The following PHACTR1 variants were observed in gnomAD, a reference collection of about 807,000 sequenced individuals.
PHACTR1 encodes the protein RPEL repeat containing 1.
Under a neutral mutation model 69.2 loss-of-function variants are expected in PHACTR1, and 16 were observed. That is an observed-to-expected ratio of 0.23 (90% CI 0.16 to 0.35). The LOEUF (loss-of-function observed/expected upper bound fraction) is 0.35. Among genes scored for constraint, PHACTR1 ranks in the 10% least tolerant of loss-of-function variants. The pLI, the probability that PHACTR1 is intolerant of heterozygous loss-of-function variation, is 1.00. For missense variants in PHACTR1, 510 were observed against 734.7 expected (o/e 0.69, Z 3.54); for synonymous variants, 312 against 284.5 (o/e 1.10, Z -0.97).
intron 6 of PHACTR1, among the ~76,000 whole-genome samples, chr6:13,171,479 T>C (rs1760610743): frequency 1.3e-5 from 2 of 152,236 alleles, no homozygotes; most frequent in African/African-American, 4.8e-5. Flanking sequence ...TGGTTGTGAT[T>C]TTCAAGTCTA....
intron 12 of PHACTR1, chr6:13,281,552 G>A (rs902743311): frequency 8.8e-5 from 17 of 193,870 alleles, no homozygotes; most frequent in South Asian, 8.3e-4. Context: ...GTGAGACTCC[G>A]TCTAAAAAAA....
intron 4 of PHACTR1, among the ~76,000 whole-genome samples, chr6:12,917,044 T>C (rs1410967915): frequency 6.6e-6 from 1 of 152,240 alleles, no homozygotes; most frequent in African/African-American, 2.4e-5. Flanking sequence ...AGGTTGGTTG[T>C]AGCAGAGGTG....
chr6:13,039,225 G>T (rs988853815), intron 4 of PHACTR1, among the ~76,000 whole-genome samples: 2 of 152,164 alleles, frequency 1.3e-5, no homozygotes, highest in Non-Finnish European at 2.9e-5. Context: ...GGGATCAAAT[G>T]ATATAATAAC....
At chr6:13,278,598 C>T (rs763063183) in intron 12 of PHACTR1, among the ~76,000 whole-genome samples, 11 of 152,188 alleles carry the variant, frequency 7.2e-5, no homozygotes, top group Non-Finnish European at 1.5e-4. Flanking sequence ...TTTGATTATA[C>T]TAAATGTTTT....
chr6:13,167,663 C>A (rs186492447), intron 6 of PHACTR1, among the ~76,000 whole-genome samples: 1 of 152,176 alleles, frequency 6.6e-6, no homozygotes, highest in East Asian at 1.9e-4. Context: ...TGCCAGTGAG[C>A]AACTTTGCTT....
chr6:12,779,139 C>A (rs1263891875), intron 4 of PHACTR1, among the ~76,000 whole-genome samples: 2 of 152,176 alleles, frequency 1.3e-5, no homozygotes, highest in African/African-American at 4.8e-5. Context: ...AGTTCGAGAC[C>A]AGCCTGACCA....
intron 4 of PHACTR1, among the ~76,000 whole-genome samples, chr6:13,000,586 G>A (rs1293951726): frequency 1.6e-5 from 2 of 125,780 alleles, no homozygotes; most frequent in Non-Finnish European, 3.1e-5. Flanking sequence ...GGGAGGGGGA[G>A]AAAGAGAAGA....
intron 4 of PHACTR1, among the ~76,000 whole-genome samples, chr6:12,942,468 A>T (rs1790156774): frequency 1.3e-5 from 2 of 152,152 alleles, no homozygotes; most frequent in South Asian, 4.2e-4. Context: ...CACGTGATGA[A>T]ACTAAGTCTT....
At chr6:12,993,539 G>C (rs1208381024) in intron 4 of PHACTR1, among the ~76,000 whole-genome samples, 1 of 152,218 alleles carries the variant, frequency 6.6e-6, no homozygotes, top group Non-Finnish European at 1.5e-5. Context: ...TGACAGGCTT[G>C]CATTTGCTTC....
At chr6:13,040,465 A>C (rs1803966637) in intron 4 of PHACTR1, among the ~76,000 whole-genome samples, 1 of 152,240 alleles carries the variant, frequency 6.6e-6, no homozygotes, top group Non-Finnish European at 1.5e-5. Flanking sequence ...ATTGCAAGTA[A>C]TGCAGGAAAA....
chr6:12,997,720 C>G (rs751456692), intron 4 of PHACTR1, among the ~76,000 whole-genome samples: 2 of 151,854 alleles, frequency 1.3e-5, no homozygotes, highest in Non-Finnish European at 2.9e-5. Context: ...TTTGAGAGGC[C>G]GAGGTGGGCG....
At chr6:12,944,777 A>ATTTATTT (rs1554172498) in intron 4 of PHACTR1, among the ~76,000 whole-genome samples, 23 of 135,828 alleles carry the variant, frequency 1.7e-4, no homozygotes, top group African/African-American at 5.8e-4. Context: ...TTATTTATTT[A>ATTTATTT]TTTTTATTTA....
intron 4 of PHACTR1, among the ~76,000 whole-genome samples, chr6:12,773,706 T>C (rs942733143): frequency 6.6e-6 from 1 of 152,144 alleles, no homozygotes; most frequent in Non-Finnish European, 1.5e-5. Context: ...TAAAAAAAAA[T>C]TTAAAACCAC....
intron 8 of PHACTR1, among the ~76,000 whole-genome samples, chr6:13,220,462 G>T (rs78667584): frequency 2.6e-5 from 4 of 152,100 alleles, no homozygotes; most frequent in African/African-American, 9.7e-5. Context: ...GCTTAATGAC[G>T]TCACCTTACA....
At chr6:13,267,300 C>A (rs1490479854) in intron 10 of PHACTR1, 1 of 152,212 alleles carries the variant, frequency 6.6e-6, no homozygotes, top group East Asian at 1.9e-4. Context: ...GTCTGTGGCA[C>A]CCATTTCTAA....
At chr6:12,890,002 G>A (rs568349312) in intron 4 of PHACTR1, among the ~76,000 whole-genome samples, 8 of 152,150 alleles carry the variant, frequency 5.3e-5, no homozygotes, top group South Asian at 2.1e-4. Context: ...CCCCCGGGTC[G>A]TGGACTGGTA....
chr6:12,779,239 G>A (rs1770496839), intron 4 of PHACTR1, among the ~76,000 whole-genome samples: 1 of 152,210 alleles, frequency 6.6e-6, no homozygotes, highest in Non-Finnish European at 1.5e-5. Context: ...CAAGGCTGAG[G>A]CAGGAGAATC....
intron 5 of PHACTR1, among the ~76,000 whole-genome samples, chr6:13,082,037 T>C (rs1045315703): frequency 6.6e-6 from 1 of 152,154 alleles, no homozygotes; most frequent in Non-Finnish European, 1.5e-5. Flanking sequence ...CAGATGTTAA[T>C]ACTTAAAGGA....
chr6:13,133,914 C>T (rs1418500174), intron 5 of PHACTR1, among the ~76,000 whole-genome samples: 1 of 151,380 alleles, frequency 6.6e-6, no homozygotes, highest in Non-Finnish European at 1.5e-5. Flanking sequence ...GGCCGCCCAT[C>T]GTCTGAGATG....
Sources: allele counts gnomAD v4.1 joint callset (sites outside exome capture counted in the v4.1 genomes callset), GRCh38; gene constraint gnomAD v4.1.1; transcripts MANE v1.5; gene names NCBI Gene and HGNC (gene_info 2026-07-23, HGNC 2026-07-21).